OTUD7B: variants seen among roughly 807,000 people sequenced by gnomAD.
OTUD7B encodes OTU deubiquitinase 7B, also known as OTU domain-containing protein 7B.
In OTUD7B, 34 loss-of-function variants were observed where a neutral mutation model predicts 82.2. The observed-to-expected ratio is 0.41, with a 90% CI of 0.31 to 0.55. The LOEUF is 0.55. Ranked by LOEUF, OTUD7B falls within the 20% of genes least tolerant of loss-of-function variation. The pLI is 0.20. For missense variants in OTUD7B, 944 were observed against 1,062.1 expected, an observed-to-expected ratio of 0.89 and a Z score of 1.55; for synonymous variants, 398 against 402.7, an observed-to-expected ratio of 0.99 and a Z score of 0.14.
upstream of OTUD7B, among the ~76,000 whole-genome samples, chr1:150,013,932 A>AAAT (rs1553787912): frequency 5.7e-4 from 4 of 7,038 alleles, 2 homozygotes; most frequent in Non-Finnish European, 1.4e-3. Context: ...AAAAAAAAAA[A>AAAT]AAATAATATA....
At chr1:149,989,968 A>G (rs1651451326) in intron 1 of OTUD7B, among the ~76,000 whole-genome samples, 2 of 152,048 alleles carry the variant, frequency 1.3e-5, no homozygotes, top group African/African-American at 4.8e-5. Flanking sequence ...GTTATTATTT[A>G]CTGTCTTGTG....
chr1:150,000,543 G>A (rs1553784493), intron 1 of OTUD7B, among the ~76,000 whole-genome samples: 1 of 151,756 alleles, frequency 6.6e-6, no homozygotes, highest in African/African-American at 2.4e-5. Flanking sequence ...GAGAAAACAG[G>A]TTTAAAATTT....
chr1:149,969,338 G>A (rs1244122642), intron 3 of OTUD7B, among the ~76,000 whole-genome samples: 11 of 152,094 alleles, frequency 7.2e-5, no homozygotes, highest in African/African-American at 2.4e-4. Flanking sequence ...ACAGTACCAT[G>A]TGCCTATGGT....
At chr1:149,965,681 C>T (rs1239061682) in intron 5 of OTUD7B, 96 bp downstream of exon 5, 2 of 849,286 alleles carry the variant, frequency 2.4e-6, no homozygotes, top group Non-Finnish European at 3.9e-6. Context: ...TCATTTCCGC[C>T]TAAGATCAAG....
rs1647434259 is a variant in OTUD7B, at chr1:149,943,743, G to A, written c.*114C>T. On this transcript the variant is annotated 3_prime_UTR_variant, in exon 12 of 12. Coordinates refer to ENST00000581312, the MANE Select transcript of OTUD7B (RefSeq NM_020205.4). ...CACACACTTAAAAGTTTCCAGCCAGGCTCCCACAAACATTACTGCATTTTC... is the reference window on the plus strand; with the variant it reads ...CACACACTTAAAAGTTTCCAGCCAGACTCCCACAAACATTACTGCATTTTC... 3 of 1,165,072 alleles carry A rather than the reference G, an allele frequency of 2.6e-6. No homozygotes were observed. The highest frequency in any genetic ancestry group is 4.0e-5 in the Admixed American group (2 of 50,268). 72.2% of individuals were successfully genotyped at this position (1,165,072 alleles called of 1,614,324 possible).
At chr1:149,959,626 TGGA>T in intron 7 of OTUD7B, 55 bp downstream of exon 7, 1 of 1,021,092 alleles carries the variant, frequency 9.8e-7, no homozygotes, top group Non-Finnish European at 1.6e-6. Context: ...CACTGGGCTG[TGGA>T]AGCCCAGTGA....
At chr1:149,949,860 TC>T in intron 8 of OTUD7B, 82 bp from the exon 9 acceptor site, 1 of 1,447,038 alleles carries the variant, frequency 6.9e-7, no homozygotes, top group Non-Finnish European at 9.4e-7. Flanking sequence ...GCCAACTGAG[TC>T]CCTCCCTGCT....
chr1:149,951,242 A>AT (rs1249725130), intron 7 of OTUD7B, among the ~76,000 whole-genome samples: 2 of 151,994 alleles, frequency 1.3e-5, no homozygotes, highest in African/African-American at 2.4e-5. Flanking sequence ...AAGTGCTGGG[A>AT]TTACAGGCGT....
At chr1:149,974,568 T>TTAG (rs1205897204) in intron 2 of OTUD7B, among the ~76,000 whole-genome samples, 7 of 119,522 alleles carry the variant, frequency 5.9e-5, no homozygotes, top group South Asian at 2.5e-4. Context: ...TTTTTTTTTG[T>TTAG]AGACAGAGTC....
chr1:150,025,432 AACACACACACACACAC>A, the OTUD7B span, among the ~76,000 whole-genome samples: 4 of 147,010 alleles, frequency 2.7e-5, no homozygotes, highest in South Asian at 2.2e-4. Flanking sequence ...AAGCAAACAA[AACACACACACACACAC>A]ACACACACAC....
chr1:149,948,235 G>T (rs1393523068), intron 10 of OTUD7B, among the ~76,000 whole-genome samples: 1 of 151,692 alleles, frequency 6.6e-6, no homozygotes, highest in Non-Finnish European at 1.5e-5. Context: ...TGCCTCGGTT[G>T]CCTGTTCACT....
rs781964203 is a variant in OTUD7B, at chr1:149,939,282, C to G, written c.*4575G>C. On this transcript the variant is annotated 3_prime_UTR_variant, in exon 12 of 12. Transcript: ENST00000581312. ...AGAAAGAGGCCAAGGTCCTTCCCAC[C>G]CCTACTCCTCTTAACTGCTGCCAGC... 6.6e-5 allele frequency: 10 copies of G among 152,258 alleles called. No individual in the cohort carries two copies. Among genetic ancestry groups the G allele is most frequent in the Non-Finnish European group, 1.5e-4 (10 of 68,136 alleles). 9.4% of individuals were successfully genotyped at this position (152,258 alleles called of 1,614,324 possible). A position where few individuals can be genotyped will look rare whatever the true frequency, so the allele number is the denominator to read the frequency against.
the OTUD7B span, among the ~76,000 whole-genome samples, chr1:150,028,574 C>T: frequency 6.6e-6 from 1 of 152,206 alleles, no homozygotes; most frequent in African/African-American, 2.4e-5. Flanking sequence ...AACTGAAACA[C>T]TATATTCATT....
At chr1:150,056,640 C>G in the OTUD7B span, among the ~76,000 whole-genome samples, 1 of 152,072 alleles carries the variant, frequency 6.6e-6, no homozygotes, top group African/African-American at 2.4e-5. Flanking sequence ...GAATCAAATC[C>G]AGGCTCACTG....
At chr1:150,059,048 C>CTTTTTTT in the OTUD7B span, among the ~76,000 whole-genome samples, 20 of 141,000 alleles carry the variant, frequency 1.4e-4, no homozygotes, top group African/African-American at 4.8e-4. Flanking sequence ...TTCTTACTTT[C>CTTTTTTT]TTTTCTTTTT....
chr1:149,967,454 G>A lies in OTUD7B; in HGVS notation c.342C>T (p.Val114=). 3 of 1,614,108 alleles carry A rather than the reference G, an allele frequency of 1.9e-6. No individual in the cohort carries two copies. The highest frequency in any genetic ancestry group is 2.5e-6 in the Non-Finnish European group (3 of 1,179,978). Residue 114 remains valine, a synonymous_variant, in exon 4 of 12, where the codon GTC becomes GTT. Transcript: ENST00000581312. ...TCCCCCCACCCCCACCATTGGAGGA[G>A]ACATGGGACCGGGCCAGGGAAACAA... is the stretch of plus-strand genomic sequence containing the variant. ...SSIVSLARSH[V]SSNGGGGGSN...
chr1:150,046,674 C>T, the OTUD7B span, among the ~76,000 whole-genome samples: 1 of 148,938 alleles, frequency 6.7e-6, no homozygotes, highest in Non-Finnish European at 1.5e-5. Context: ...TGGTCTCAAT[C>T]TCCTAACCTC....
In OTUD7B at chr1:150,000,212, C is replaced by T. The variant is rs111573909; in HGVS notation, c.-67+10236G>A. 3.9e-5 allele frequency among the ~76,000 whole-genome samples: 6 copies of T among 152,100 alleles called. 2 individuals carry two copies. Among genetic ancestry groups the T allele is most frequent in the African/African-American group, 1.4e-4 (6 of 41,488 alleles). On this transcript the variant is annotated intron_variant, in intron 1 of 11. Transcript: ENST00000581312. The stretch of plus-strand genomic sequence containing the variant: ...AGTGGGAGCTGGGCATGGTGGCTCA[C>T]GCCTGTAATCCAACACTTTGGGAGA...
Position 149,948,549 on chromosome 1 carries a change from T to C in OTUD7B, c.1238+420A>G, listed in dbSNP as rs587730654. On this transcript the variant is annotated intron_variant, in intron 10 of 11. Coordinates refer to ENST00000581312, the MANE Select transcript of OTUD7B (RefSeq NM_020205.4). ...ACCACGCCTGGCTAATTTTTGTATT[T>C]TTAGTAGAGACGAGGTTTCACCATA... Among the ~76,000 whole-genome samples, 72 of 151,902 alleles carry C rather than the reference T, an allele frequency of 4.7e-4. 1 individual carries two copies. The South Asian group carries it at 0.015, about 31-fold the overall frequency.
Sources: gnomAD v4.1 joint callset for allele counts (sites outside exome capture counted in the v4.1 genomes callset) on GRCh38, gnomAD v4.1.1 for gene constraint, MANE v1.5 for transcripts, NCBI Gene and HGNC (gene_info 2026-07-23, HGNC 2026-07-21) for gene names.